FEZ1: variants seen among roughly 807,000 people sequenced by gnomAD.
FEZ1 encodes fasciculation and elongation protein zeta-1.
A neutral mutation model predicts 49.3 loss-of-function variants in FEZ1; 20 were observed. That is an observed-to-expected ratio of 0.41 (90% CI 0.29 to 0.59). The LOEUF (loss-of-function observed/expected upper bound fraction) is 0.59, where lower values mean the gene tolerates loss of function less well. Ranked by LOEUF, FEZ1 falls within the 20% of genes least tolerant of loss-of-function variation. The pLI, the probability that FEZ1 is intolerant of heterozygous loss-of-function variation, is 0.36. For synonymous variants in FEZ1, 170 were observed against 180.9 expected (o/e 0.94, Z 0.48); for missense variants, 413 against 476.0 (o/e 0.87, Z 1.23).
intron 1 of FEZ1, among the ~76,000 whole-genome samples, chr11:125,494,884 C>T (rs1407121750): frequency 2.0e-5 from 3 of 152,116 alleles, no homozygotes; most frequent in African/African-American, 7.2e-5. Context: ...CGCTGGGCCT[C>T]GGCACCTCCA....
At chr11:125,461,528 G>A (rs1218594284) in intron 4 of FEZ1, among the ~76,000 whole-genome samples, 7 of 152,290 alleles carry the variant, frequency 4.6e-5, no homozygotes, top group South Asian at 2.1e-4. Context: ...GATGGCTTGA[G>A]CCCAAGAGGT....
rs189713317 is a variant in FEZ1, at chr11:125,446,166, C to A, written c.1163-55G>T. ...GTCAGAACACAGTTGCAGGTGGGGA[C>A]CTCCGAGCCCTGGATAGCCCTAGCT... On this transcript the variant is annotated intron_variant, in intron 9 of 9. Transcript: ENST00000278919. 156 of 1,584,142 alleles carry A rather than the reference C, an allele frequency of 9.8e-5. No individual in the cohort carries two copies. The African/African-American group carries it at 2.0e-3, about 20-fold the overall frequency.
At chr11:125,477,791 C>T (rs1199723424) in intron 3 of FEZ1, among the ~76,000 whole-genome samples, 1 of 151,880 alleles carries the variant, frequency 6.6e-6, no homozygotes, top group Non-Finnish European at 1.5e-5. Flanking sequence ...CCTTCTGCCT[C>T]CAGGGGACAC....
Position 125,448,503 on chromosome 11 carries a change from T to C in FEZ1, c.1161A>G (p.Lys387=). ...CAGGAGGCCTGGGGCTGCTCTTACC[T>C]TTTAAAATGTAGTCCGTTAGCAAAG... is the stretch of plus-strand genomic sequence containing the variant. ...VPTLLTDYIL[K]VLCPT is the part of the protein sequence containing the mutation. Residue 387 remains lysine, a splice_region_variant and synonymous_variant, in exon 9 of 10, where the codon AAA becomes AAG. Coordinates refer to ENST00000278919, the MANE Select transcript of FEZ1 (RefSeq NM_005103.5). 1 of 1,605,878 alleles carries C rather than the reference T, an allele frequency of 6.2e-7. No homozygotes were observed.
chr11:125,455,655 G>C, intron 6 of FEZ1, 180 bp downstream of exon 6: 1 of 694,800 alleles, frequency 1.4e-6, no homozygotes, highest in Non-Finnish European at 2.6e-6. Context: ...TGAGCCCTTT[G>C]GGGGAGTGGA....
At chr11:125,447,203 C>G (rs1005766340) in intron 9 of FEZ1, among the ~76,000 whole-genome samples, 1 of 152,156 alleles carries the variant, frequency 6.6e-6, no homozygotes, top group Admixed American at 6.5e-5. Flanking sequence ...AAATCGGAAG[C>G]TGTATCTGAT....
At chr11:125,477,539 T>C (rs562061962) in intron 3 of FEZ1, among the ~76,000 whole-genome samples, 6 of 152,048 alleles carry the variant, frequency 3.9e-5, no homozygotes, top group Non-Finnish European at 5.9e-5. Flanking sequence ...TTCTTAGAGA[T>C]AGCAAAGGGC....
intron 3 of FEZ1, among the ~76,000 whole-genome samples, chr11:125,463,818 G>T (rs1393318810): frequency 6.6e-6 from 1 of 152,196 alleles, no homozygotes; most frequent in East Asian, 1.9e-4. Context: ...GACGACAGGG[G>T]AATGGCCAGC....
intron 1 of FEZ1, among the ~76,000 whole-genome samples, chr11:125,490,164 CT>C (rs1176468964): frequency 6.6e-6 from 1 of 152,190 alleles, no homozygotes; most frequent in Non-Finnish European, 1.5e-5. Flanking sequence ...TGAATACTTT[CT>C]GTTGGTGTTT....
At chr11:125,485,300 AGGGG>A (rs2135782769) in intron 2 of FEZ1, among the ~76,000 whole-genome samples, 1 of 152,132 alleles carries the variant, frequency 6.6e-6, no homozygotes, top group East Asian at 1.9e-4. Context: ...CACAGAGAGC[AGGGG>A]CTTTGGGAAA....
chr11:125,461,874 C>T (rs1957078512), intron 4 of FEZ1, among the ~76,000 whole-genome samples: 1 of 152,200 alleles, frequency 6.6e-6, no homozygotes, highest in African/African-American at 2.4e-5. Context: ...TTCACCTCTA[C>T]TCACAAACTT....
chr11:125,489,520 G>A lies in FEZ1; in HGVS notation c.258C>T (p.Pro86=), dbSNP rs757266899. 2.8e-5 allele frequency: 45 copies of A among 1,613,934 alleles called. No individual in the cohort carries two copies. Among genetic ancestry groups the A allele is most frequent in the South Asian group, 2.0e-4 (18 of 91,064 alleles). The part of the protein sequence containing the change: ...NYNAKTENLA[P]VKNQLQIQEE... Reference sequence around the variant, plus strand: ...CTTGGATCTGTAACTGGTTCTTCACGGGAGCTAGGTTCTCGGTCTTGGCGT... The same window carrying A: ...CTTGGATCTGTAACTGGTTCTTCACAGGAGCTAGGTTCTCGGTCTTGGCGT... Residue 86 remains proline, a synonymous_variant, in exon 2 of 10, where the codon CCC becomes CCT. Coordinates refer to ENST00000278919, the MANE Select transcript of FEZ1 (RefSeq NM_005103.5). The surrounding 1 kb of genome is among the most constrained non-coding windows in gnomAD (Gnocchi z 4.2).
At chr11:125,446,958 T>C (rs933628667) in intron 9 of FEZ1, among the ~76,000 whole-genome samples, 2 of 152,144 alleles carry the variant, frequency 1.3e-5, no homozygotes, top group African/African-American at 2.4e-5. Context: ...TTCTGATCCT[T>C]ATAGAAACAA....
rs1013637403 is a variant in FEZ1, at chr11:125,482,354, G to A, written c.312-721C>T. Among the ~76,000 whole-genome samples, 4 of 152,120 alleles carry A rather than the reference G, an allele frequency of 2.6e-5. No individual in the cohort carries two copies. The East Asian group carries it at 7.7e-4, about 29-fold the overall frequency. On this transcript the variant is annotated intron_variant, in intron 2 of 9. Coordinates refer to ENST00000278919, the MANE Select transcript of FEZ1 (RefSeq NM_005103.5). ...TCACGGACACTCTCAGGTAAATACT[G>A]TATATAAAAGAAACCAATAAATACA... is the stretch of plus-strand genomic sequence containing the variant.
intron 3 of FEZ1, among the ~76,000 whole-genome samples, chr11:125,477,912 G>T (rs1282659723): frequency 6.6e-6 from 1 of 151,880 alleles, no homozygotes; most frequent in Non-Finnish European, 1.5e-5. Context: ...ATGGAGTAGG[G>T]AAAGACAAGA....
rs964460299 is a variant in FEZ1 at position 125,444,922 on chromosome 11, T to A, written c.*1173A>T. On this transcript the variant is annotated 3_prime_UTR_variant, in exon 10 of 10. Transcript: ENST00000278919. ...TGCTGTGATGTGTGCTAATGCACGA[T>A]GAAGCCAGTGCAGGCTACAGCAAGT... 6.6e-6 allele frequency among the ~76,000 whole-genome samples: 1 copy of A among 152,244 alleles called. No individual in the cohort carries two copies. The highest frequency in any genetic ancestry group is 2.1e-4 in the South Asian group (1 of 4,830).
In FEZ1 at chr11:125,489,710, G is replaced by A. The variant is rs759424170; in HGVS notation, c.68C>T (p.Pro23Leu). Reference sequence around the variant, plus strand: ...ATAGAAACACTGGGGCTTCTCCTCCGGGTCCTCCGAGCAGGAGGGTCGAAG... The same window carrying A: ...ATAGAAACACTGGGGCTTCTCCTCCAGGTCCTCCGAGCAGGAGGGTCGAAG... ...EDLRPSCSEDPEEKPQCFYGS... is the reference protein window; with the variant it reads ...EDLRPSCSEDLEEKPQCFYGS... The change falls in exon 2 of 10, where the codon CCG becomes CTG. Residue 23 changes from proline to leucine, a missense_variant. By Grantham distance (98) the Pro-to-Leu change is moderately conservative. Transcript: ENST00000278919. This position sits in a 1 kb window ranked among gnomAD's most constrained non-coding sequence, Gnocchi z 4.2. 24 of 1,609,992 alleles carry A rather than the reference G, an allele frequency of 1.5e-5. No homozygotes were observed. Among genetic ancestry groups the A allele is most frequent in the East Asian group, 4.5e-5 (2 of 44,844 alleles).
Position 125,481,520 on chromosome 11 carries a change from C to T in FEZ1, c.411+14G>A. On this transcript the variant is annotated intron_variant, in intron 3 of 9. Coordinates refer to ENST00000278919, the MANE Select transcript of FEZ1 (RefSeq NM_005103.5). ...ATCTCAAGCCCTGCTAAACCAGGGG[C>T]CCCGGAGAGGTACCTCAGTGTCAGA... 13 of 1,527,548 alleles carry T rather than the reference C, an allele frequency of 8.5e-6. No homozygotes were observed. The highest frequency in any genetic ancestry group is 1.2e-5 in the Non-Finnish European group (13 of 1,100,954). 94.6% of individuals were successfully genotyped at this position (1,527,548 alleles called of 1,614,324 possible). A position where few individuals can be genotyped will look rare whatever the true frequency, so the allele number is the denominator to read the frequency against.
intron 3 of FEZ1, among the ~76,000 whole-genome samples, chr11:125,477,155 A>C (rs757794767): frequency 1.3e-5 from 2 of 152,160 alleles, no homozygotes; most frequent in Non-Finnish European, 2.9e-5. Context: ...TATGATTTTT[A>C]ACATTTTAAA....
Sources: allele counts gnomAD v4.1 joint callset (sites outside exome capture counted in the v4.1 genomes callset), GRCh38; gene constraint gnomAD v4.1.1; non-coding constraint Gnocchi (gnomAD v3.1); transcripts MANE v1.5; gene names NCBI Gene and HGNC (gene_info 2026-07-23, HGNC 2026-07-21).